Variants in SEC31A observed in about 807,000 individuals in gnomAD.
SEC31A encodes the protein SEC31 homolog A, COPII component.
SEC31A carries 70 observed loss-of-function variants against 151.0 expected under a neutral mutation model. That is an observed-to-expected ratio of 0.46 (90% confidence interval 0.38 to 0.57). SEC31A has a LOEUF of 0.57. SEC31A is among the 20% of genes least tolerant of loss of function. SEC31A has a pLI of 0.00. For synonymous variants in SEC31A, 475 were observed against 505.9 expected (o/e 0.94, Z 0.82); for missense variants, 1,330 against 1,471.2 (o/e 0.90, Z 1.57).
upstream of SEC31A, among the ~76,000 whole-genome samples, chr4:82,892,052 T>C (rs1719825709): frequency 1.3e-5 from 2 of 152,222 alleles, no homozygotes; most frequent in South Asian, 4.1e-4. Flanking sequence ...AGCAGCAGTG[T>C]TAACATTCCC....
chr4:82,832,154 A>T (rs1726088523), intron 22 of SEC31A, among the ~76,000 whole-genome samples: 1 of 152,222 alleles, frequency 6.6e-6, no homozygotes, highest in Admixed American at 6.5e-5. Flanking sequence ...TTGATTTCAA[A>T]CATTACTACA....
chr4:82,883,594 C>G (rs1377102826), intron 1 of SEC31A, among the ~76,000 whole-genome samples: 1 of 152,056 alleles, frequency 6.6e-6, no homozygotes, highest in Non-Finnish European at 1.5e-5. Flanking sequence ...CTTTAGGAGC[C>G]GAAGCAAGTG....
intron 20 of SEC31A, among the ~76,000 whole-genome samples, chr4:82,847,799 C>T (rs1276022817): frequency 6.6e-6 from 1 of 152,076 alleles, no homozygotes; most frequent in Non-Finnish European, 1.5e-5. Context: ...CAATGCCAGG[C>T]ACTCATGGCA....
chr4:82,834,556 T>A (rs1047223212), intron 22 of SEC31A, among the ~76,000 whole-genome samples: 1 of 151,970 alleles, frequency 6.6e-6, no homozygotes, highest in African/African-American at 2.4e-5. Flanking sequence ...AGGAGGAAGG[T>A]CCGTTGGCTA....
intron 23 of SEC31A, among the ~76,000 whole-genome samples, chr4:82,828,673 CAAAAAAAAAAAAAA>C (rs397994259): frequency 2.3e-5 from 1 of 44,116 alleles, no homozygotes. Context: ...CAAAGTAACT[CAAAAAAAAAAAAAA>C]AAAAAAAAAA....
At chr4:82,865,489 G>A (rs1056796539) in intron 10 of SEC31A, among the ~76,000 whole-genome samples, 9 of 134,310 alleles carry the variant, frequency 6.7e-5, no homozygotes, top group African/African-American at 2.4e-4. Context: ...GCCAAAAGGT[G>A]GAAGCAACCA....
Position 82,848,952 on chromosome 4 carries a change from C to T in SEC31A, c.2354G>A (p.Arg785Lys). 3 of 1,613,470 alleles carry T rather than the reference C, an allele frequency of 1.9e-6. No homozygotes were observed. The highest frequency in any genetic ancestry group is 2.5e-6 in the Non-Finnish European group (3 of 1,179,808). Residue 785 changes from arginine to lysine, a missense_variant, in exon 20 of 27, where the codon AGA becomes AAA. Arg to Lys is a conservative substitution (Grantham distance 26). Transcript: ENST00000395310. ...AGGCTCTCCTTGTGCTCTACAAAGTCTGTCACGAAGCTGCATGATATTTGG... is the reference window on the plus strand; with the variant it reads ...AGGCTCTCCTTGTGCTCTACAAAGTTTGTCACGAAGCTGCATGATATTTGG... ...NQPNIMQLRD[R>K]LCRAQGEPVA...
intron 7 of SEC31A, chr4:82,871,319 C>T: frequency 1.4e-6 from 2 of 1,476,354 alleles, no homozygotes; most frequent in South Asian, 1.3e-5. Context: ...CATACACACA[C>T]ACACACACAC....
Position 82,899,020 on chromosome 4 carries a change from C to T in SEC31A, c.-2+693G>A, listed in dbSNP as rs148639681. ...TCTGCTACATCCATAAAATGGAGTA[C>T]GATTCAGCAATAAAAAATAAAGTAC... On this transcript the variant is annotated intron_variant, in intron 3 of 28. Transcript: ENST00000355196. Among the ~76,000 whole-genome samples, 99 of 152,146 alleles carry T rather than the reference C, an allele frequency of 6.5e-4. 1 individual carries two copies. Among genetic ancestry groups the T allele is most frequent in the Admixed American group, 5.4e-3 (82 of 15,286 alleles).
In SEC31A at chr4:82,863,348, T is replaced by C. The variant is rs752421078; in HGVS notation, c.1479A>G (p.Leu493=). Reference sequence around the variant, plus strand: ...TTCCTAGATCTTCTTTTCTGTATCCTAGAAGTTCAAGGTATTTTCCACGAG... The same window carrying C: ...TTCCTAGATCTTCTTTTCTGTATCCCAGAAGTTCAAGGTATTTTCCACGAG... The part of the protein sequence containing the change: ...DDSRGKYLEL[L]GYRKEDLGKK... The change falls in exon 12 of 27, where the codon CTA becomes CTG. Residue 493 remains leucine, a synonymous_variant. Transcript: ENST00000395310. 2.5e-6 allele frequency: 4 copies of C among 1,582,890 alleles called. No homozygotes were observed. The highest frequency in any genetic ancestry group is 3.4e-6 in the Non-Finnish European group (4 of 1,168,236).
intron 20 of SEC31A, among the ~76,000 whole-genome samples, chr4:82,848,137 C>A (rs905401194): frequency 6.6e-6 from 1 of 151,628 alleles, no homozygotes; most frequent in Non-Finnish European, 1.5e-5. Flanking sequence ...AGGTTATCTG[C>A]TGGTCTGGAA....
At chr4:82,895,364 G>A (rs567994261), upstream of SEC31A, 2 of 152,312 alleles carry the variant, frequency 1.3e-5, no homozygotes, top group African/African-American at 4.8e-5. Context: ...CAGCCACTTG[G>A]GAAGCTGGGC....
At chr4:82,857,797 G>C (rs1271640574) in intron 14 of SEC31A, 33 bp from the exon 15 acceptor site, 1 of 1,345,854 alleles carries the variant, frequency 7.4e-7, no homozygotes, top group African/African-American at 1.5e-5. Flanking sequence ...AATTTAGCCA[G>C]AATAAAACTG....
chr4:82,888,707 A>T (rs1056513495), intron 1 of SEC31A, among the ~76,000 whole-genome samples: 20 of 152,156 alleles, frequency 1.3e-4, no homozygotes, highest in East Asian at 3.9e-4. Context: ...ATAAAAAAAA[A>T]AAAAAATTTC....
chr4:82,838,534 C>T (rs962754990), intron 22 of SEC31A, among the ~76,000 whole-genome samples: 1 of 152,170 alleles, frequency 6.6e-6, no homozygotes, highest in South Asian at 2.1e-4. Context: ...AAGGCCACAT[C>T]CAGATTAATC....
chr4:82,826,376 C>A (rs1212791486), intron 24 of SEC31A, among the ~76,000 whole-genome samples: 1 of 150,726 alleles, frequency 6.6e-6, no homozygotes, highest in South Asian at 2.1e-4. Flanking sequence ...GTTGTTGAGA[C>A]GGAGTCTCGC....
intron 4 of SEC31A, among the ~76,000 whole-genome samples, chr4:82,876,611 C>T (rs757143056): frequency 1.2e-4 from 18 of 152,306 alleles, no homozygotes; most frequent in Admixed American, 1.2e-3. Flanking sequence ...CTAGTAAAAT[C>T]TCTTGTCATA....
chr4:82,832,277 T>G (rs779784931), intron 22 of SEC31A, among the ~76,000 whole-genome samples: 3 of 152,146 alleles, frequency 2.0e-5, no homozygotes, highest in Non-Finnish European at 4.4e-5. Flanking sequence ...ATCTGATATT[T>G]GACAAACCTG....
At position 82,818,983 on chromosome 4, in the gene SEC31A, C is replaced by T. The variant is rs778657292; in HGVS notation, c.*91G>A. ...CTTGACTGGTTGCTATGCAAACATG[C>T]TAATGAGGACTAGTCCATGTCTTAT... On this transcript the variant is annotated 3_prime_UTR_variant, in exon 27 of 27. Coordinates refer to ENST00000395310, the MANE Select transcript of SEC31A (RefSeq NM_001077207.4). The T allele has an allele frequency of 6.2e-5, 62 of 995,868 alleles. No homozygotes were observed. The highest frequency in any genetic ancestry group is 8.4e-5 in the Non-Finnish European group (58 of 694,160). The allele number at this position is 995,868 out of a possible 1,614,324, so 61.7% of individuals were successfully genotyped here. A position where few individuals can be genotyped will look rare whatever the true frequency, so the allele number is the denominator to read the frequency against.
Sources: allele counts gnomAD v4.1 joint callset (sites outside exome capture counted in the v4.1 genomes callset), GRCh38; gene constraint gnomAD v4.1.1; transcripts MANE v1.5; gene names NCBI Gene and HGNC (gene_info 2026-07-23, HGNC 2026-07-21).